The following PRRC2C variants were observed in gnomAD, a reference collection of about 807,000 sequenced individuals.
PRRC2C encodes the protein proline rich coiled-coil 2C, also known as protein PRRC2C.
Under a neutral mutation model 317.2 loss-of-function variants are expected in PRRC2C, and 72 were observed. The ratio of observed to expected loss-of-function variants is 0.23; its 90% confidence interval spans 0.19 to 0.28. The LOEUF is 0.28. Ranked by LOEUF, PRRC2C falls within the 10% of genes least tolerant of loss-of-function variation. The pLI is 1.00. For missense variants in PRRC2C, 3,074 were observed against 3,459.7 expected (o/e 0.89, Z 2.80); for synonymous variants, 1,296 against 1,205.9 (o/e 1.07, Z -1.55).
chr1:171,496,273 G>A (rs893152942), intron 1 of PRRC2C, among the ~76,000 whole-genome samples: 32 of 132,156 alleles, frequency 2.4e-4, no homozygotes, highest in African/African-American at 9.6e-4. Context: ...TGCTATCTTG[G>A]CTCACTACAG....
chr1:171,533,910 C>CCG (rs770334115), intron 12 of PRRC2C, among the ~76,000 whole-genome samples: 1 of 152,148 alleles, frequency 6.6e-6, no homozygotes, highest in Non-Finnish European at 1.5e-5. Flanking sequence ...ACGTGAGCCA[C>CCG]CGCGCCCAGC....
chr1:171,549,052 A>G (rs1249173830), intron 17 of PRRC2C, among the ~76,000 whole-genome samples: 1 of 152,170 alleles, frequency 6.6e-6, no homozygotes, highest in Non-Finnish European at 1.5e-5. Context: ...TGTGTTGCCC[A>G]TAACATATAT....
chr1:171,587,714 G>A lies in PRRC2C; in HGVS notation c.8035G>A (p.Ala2679Thr). The change falls in exon 32 of 35, where the codon GCT (alanine) becomes ACT (threonine). Residue 2679 changes from alanine (A) to threonine (T), a missense_variant. Ala to Thr is a moderately conservative substitution (Grantham distance 58). Coordinates refer to ENST00000647382, the MANE Select transcript of PRRC2C (RefSeq NM_001387844.1). ...IDIKPGTPPI[A>T]GRSTTPTSSP... ...TATAAAACCAGGCACACCTCCAATC[G>A]CTGGTAGAAGCACCACACCAACATC... is the stretch of plus-strand genomic sequence containing the variant. 6.2e-7 allele frequency: 1 copy of A among 1,613,256 alleles called. No individual in the cohort carries two copies. The highest frequency in any genetic ancestry group is 8.5e-7 in the Non-Finnish European group (1 of 1,179,368).
At chr1:171,546,792 T>A (rs868167541) in intron 17 of PRRC2C, among the ~76,000 whole-genome samples, 7 of 151,160 alleles carry the variant, frequency 4.6e-5, no homozygotes, top group South Asian at 2.1e-4. Context: ...TATTATTATT[T>A]TTGTTTGTAG....
At chr1:171,502,477 T>TCCAAAG (rs1343785625) in intron 1 of PRRC2C, among the ~76,000 whole-genome samples, 2 of 152,216 alleles carry the variant, frequency 1.3e-5, no homozygotes, top group African/African-American at 4.8e-5. Flanking sequence ...TGCTATCCTA[T>TCCAAAG]CCAAAGTCCC....
At chr1:171,533,273 A>G (rs1011510917) in intron 12 of PRRC2C, among the ~76,000 whole-genome samples, 2 of 152,186 alleles carry the variant, frequency 1.3e-5, no homozygotes, top group Non-Finnish European at 2.9e-5. Flanking sequence ...TAACTAAACA[A>G]AATCTCATTT....
intron 17 of PRRC2C, among the ~76,000 whole-genome samples, chr1:171,548,419 G>A (rs1679577457): frequency 6.6e-6 from 1 of 152,182 alleles, no homozygotes; most frequent in Non-Finnish European, 1.5e-5. Flanking sequence ...TAGCTAACAA[G>A]TATCACCTTC....
chr1:171,557,705 A>T lies in PRRC2C; in HGVS notation c.5593A>T (p.Ile1865Phe). The T allele has an allele frequency of 9.7e-6, 15 of 1,550,806 alleles. No homozygotes were observed. The highest frequency in any genetic ancestry group is 1.3e-5 in the Non-Finnish European group (15 of 1,146,792). ...VTILASASIPILASALASTSA... is the reference protein window; with the variant it reads ...VTILASASIPFLASALASTSA... ...CATTCTTGCCTCAGCCTCAATTCCC[A>T]TTCTTGCTTCAGCCCTAGCATCAAC... The change falls in exon 19 of 35, where the codon ATT (isoleucine) becomes TTT (phenylalanine). Residue 1865 changes from isoleucine (I) to phenylalanine (F), a missense_variant. This residue lies in a region of PRRC2C where 640 missense variants were observed against 676.1 expected (regional missense o/e 0.95). Transcript: ENST00000647382.
intron 10 of PRRC2C, among the ~76,000 whole-genome samples, chr1:171,525,430 T>C (rs1674377920): frequency 6.6e-6 from 1 of 152,182 alleles, no homozygotes; most frequent in South Asian, 2.1e-4. Flanking sequence ...GCAACAGATA[T>C]TTGATCCCAC....
chr1:171,513,934 AAC>A (rs1283647024), intron 3 of PRRC2C, among the ~76,000 whole-genome samples: 6 of 152,196 alleles, frequency 3.9e-5, no homozygotes, highest in African/African-American at 1.2e-4. Flanking sequence ...GTGTCCCAGA[AAC>A]ACATTGCATT....
intron 27 of PRRC2C, 121 bp from the exon 28 acceptor site, chr1:171,579,707 G>T: frequency 7.7e-7 from 1 of 1,305,166 alleles, no homozygotes. Context: ...GTTTTAAAAT[G>T]GAGCTGATAT....
intron 11 of PRRC2C, among the ~76,000 whole-genome samples, chr1:171,531,551 A>G (rs1675885577): frequency 6.6e-6 from 1 of 152,218 alleles, no homozygotes. Context: ...GCTGGGTTAC[A>G]TATGGCTCTT....
chr1:171,523,146 A>G, intron 7 of PRRC2C, 75 bp from the exon 8 acceptor site: 1 of 1,361,226 alleles, frequency 7.3e-7, no homozygotes, highest in Non-Finnish European at 9.9e-7. Flanking sequence ...AATGAACTAA[A>G]TTCCAATCTT....
Position 171,532,638 on chromosome 1 carries a change from G to C in PRRC2C, c.1550G>C (p.Arg517Pro). The change falls in exon 12 of 35, where the codon CGT (arginine) becomes CCT (proline). Residue 517 changes from arginine to proline, a missense_variant. By Grantham distance (103) the Arg-to-Pro change is moderately radical. Transcript: ENST00000647382. The part of the protein sequence containing the change: ...REREREKERE[R>P]EKELEKEQEQ... ...AGGGAGCGAGAAAAAGAACGGGAGC[G>C]TGAGAAAGAACTTGAAAAAGAACAA... 3 of 1,551,790 alleles carry C rather than the reference G, an allele frequency of 1.9e-6. No homozygotes were observed. Among genetic ancestry groups the C allele is most frequent in the Non-Finnish European group, 2.6e-6 (3 of 1,147,140 alleles).
rs771755579 is a variant in PRRC2C, at chr1:171,536,226, T to G, written c.2241T>G (p.Asp747Glu). The G allele has an allele frequency of 1.9e-6, 3 of 1,613,776 alleles. No individual in the cohort carries two copies. Among genetic ancestry groups the G allele is most frequent in the Non-Finnish European group, 2.5e-6 (3 of 1,179,776 alleles). Residue 747 changes from aspartate to glutamate, a missense_variant, in exon 14 of 35, where the codon GAT (aspartate) becomes GAG (glutamate). Around this residue, in one of 11 missense-constraint regions of PRRC2C, gnomAD observed 1,320 missense variants for 1,395.7 expected, o/e 0.95. Transcript: ENST00000647382. ...GGCTCATGATGCAGTCCTACATGGA[T>G]CCTCGAATGATGTCAGGAAGACCTG... Reference protein sequence around the residue: ...PRWLMMQSYMDPRMMSGRPAM... With the variant: ...PRWLMMQSYMEPRMMSGRPAM...
At chr1:171,513,438 TA>T in intron 3 of PRRC2C, 1 of 543,028 alleles carries the variant, frequency 1.8e-6, no homozygotes, top group Non-Finnish European at 3.5e-6. Context: ...GCTTTCATAC[TA>T]CCACCAACTC....
At chr1:171,512,822 A>G (rs918127710) in intron 2 of PRRC2C, 173 bp from the exon 3 acceptor site, 3 of 558,178 alleles carry the variant, frequency 5.4e-6, no homozygotes, top group African/African-American at 3.9e-5. Context: ...CTTGATTTCT[A>G]CACTGAAATG....
intron 22 of PRRC2C, among the ~76,000 whole-genome samples, chr1:171,567,478 T>C (rs1214960373): frequency 6.6e-6 from 1 of 152,190 alleles, no homozygotes; most frequent in Non-Finnish European, 1.5e-5. Context: ...ATTATCTGAA[T>C]ATTAGTCTCT....
At chr1:171,586,543 GTATTTTATTTTATTT>G (rs560341256) in intron 30 of PRRC2C, among the ~76,000 whole-genome samples, 20,358 of 132,122 alleles carry the variant, frequency 0.15, 1,577 homozygotes, top group Middle Eastern at 0.27. Context: ...TGTGTTCTAT[GTATTTTATTTTATTT>G]TATTTTATTT....
Sources: gnomAD v4.1 joint callset for allele counts (sites outside exome capture counted in the v4.1 genomes callset) on GRCh38, gnomAD v4.1.1 for gene constraint, gnomAD v4.1.1 regional missense constraint, MANE v1.5 for transcripts, NCBI Gene and HGNC (gene_info 2026-07-23, HGNC 2026-07-21) for gene names.